CFAP77: variants seen among roughly 807,000 people sequenced by gnomAD.
CFAP77 encodes the protein cilia- and flagella-associated protein 77.
In CFAP77, 25 loss-of-function variants were observed where a neutral mutation model predicts 31.1. That is an observed-to-expected ratio of 0.80 (90% CI 0.59 to 1.12). The LOEUF (loss-of-function observed/expected upper bound fraction) is 1.12. Ranked by LOEUF, CFAP77 falls within the 50% of genes most tolerant of loss-of-function variation. The pLI is 0.00. For missense variants in CFAP77, 377 were observed against 397.3 expected (o/e 0.95, Z 0.44); for synonymous variants, 151 against 159.9 (o/e 0.94, Z 0.42).
At chr9:132,462,077 G>A (rs1413918231) in intron 1 of CFAP77, among the ~76,000 whole-genome samples, 1 of 152,140 alleles carries the variant, frequency 6.6e-6, no homozygotes, top group Non-Finnish European at 1.5e-5. Flanking sequence ...GGCCCAGAGA[G>A]GTAGCGATTA....
chr9:132,518,578 C>T (rs562804031), intron 3 of CFAP77, among the ~76,000 whole-genome samples: 4 of 152,200 alleles, frequency 2.6e-5, no homozygotes, highest in African/African-American at 4.8e-5. Flanking sequence ...GAGCTTTGCA[C>T]GTGGAGGGCT....
intron 1 of CFAP77, among the ~76,000 whole-genome samples, chr9:132,427,163 G>A (rs1418752014): frequency 3.3e-5 from 5 of 152,224 alleles, no homozygotes; most frequent in East Asian, 3.8e-4. Context: ...GGCCAGAACC[G>A]GCTTCCCCAG....
chr9:132,533,354 C>T (rs542581575), intron 3 of CFAP77, among the ~76,000 whole-genome samples: 5 of 152,158 alleles, frequency 3.3e-5, no homozygotes, highest in Non-Finnish European at 7.3e-5. Flanking sequence ...GCCAGTATCA[C>T]AAATTACCAT....
intron 5 of CFAP77, among the ~76,000 whole-genome samples, chr9:132,548,916 C>T (rs879762251): frequency 3.9e-5 from 6 of 152,146 alleles, no homozygotes; most frequent in African/African-American, 1.2e-4. Context: ...GTGCTCTGAA[C>T]GCTGGGATCA....
chr9:132,532,031 G>C (rs1002363981), intron 3 of CFAP77, among the ~76,000 whole-genome samples: 1 of 152,188 alleles, frequency 6.6e-6, no homozygotes, highest in Non-Finnish European at 1.5e-5. Flanking sequence ...AGAAAACACA[G>C]CTATAAATTA....
chr9:132,432,518 C>G (rs1850427570), intron 1 of CFAP77, among the ~76,000 whole-genome samples: 1 of 145,852 alleles, frequency 6.9e-6, no homozygotes, highest in Non-Finnish European at 1.5e-5. Flanking sequence ...AGGGTCCCTT[C>G]TTAGTCCTTG....
chr9:132,411,993 A>C (rs904709616), intron 1 of CFAP77, among the ~76,000 whole-genome samples: 1 of 152,156 alleles, frequency 6.6e-6, no homozygotes, highest in Admixed American at 6.5e-5. Flanking sequence ...ATATGTGTAA[A>C]ATGTATGTAC....
chr9:132,571,359 C>T (rs759811595), intron 5 of CFAP77, among the ~76,000 whole-genome samples: 13 of 152,136 alleles, frequency 8.5e-5, no homozygotes, highest in Admixed American at 2.0e-4. Context: ...ACCCATCCTT[C>T]GAGACCCCCT....
At chr9:132,546,542 C>T (rs556721083) in intron 5 of CFAP77, among the ~76,000 whole-genome samples, 17 of 152,350 alleles carry the variant, frequency 1.1e-4, no homozygotes, top group South Asian at 8.3e-4. Context: ...GCAGGCAGGG[C>T]GCGGCTGCTG....
At chr9:132,513,184 G>A in intron 3 of CFAP77, 1 of 1,412,828 alleles carries the variant, frequency 7.1e-7, no homozygotes, top group Non-Finnish European at 9.5e-7. Flanking sequence ...ATTTTTAAAT[G>A]TGCAATTAAG....
intron 3 of CFAP77, among the ~76,000 whole-genome samples, chr9:132,529,334 A>G (rs1481435953): frequency 7.5e-5 from 9 of 120,596 alleles, no homozygotes; most frequent in Non-Finnish European, 1.4e-4. Flanking sequence ...AGGAAGGGGA[A>G]TATCACACTC....
At chr9:132,537,988 G>A (rs1460884996) in intron 4 of CFAP77, among the ~76,000 whole-genome samples, 1 of 152,156 alleles carries the variant, frequency 6.6e-6, no homozygotes, top group Non-Finnish European at 1.5e-5. Context: ...GAACCCAGCT[G>A]TCCTGACTCC....
intron 3 of CFAP77, among the ~76,000 whole-genome samples, chr9:132,523,234 C>G (rs1348559257): frequency 6.6e-6 from 1 of 151,996 alleles, no homozygotes; most frequent in East Asian, 1.9e-4. Flanking sequence ...ATTACAGGCA[C>G]CTGCCACCAT....
chr9:132,457,545 A>G (rs1332942942), intron 1 of CFAP77, among the ~76,000 whole-genome samples: 1 of 152,204 alleles, frequency 6.6e-6, no homozygotes, highest in Non-Finnish European at 1.5e-5. Context: ...CAGCCTTGGG[A>G]AAGATGGTGC....
intron 3 of CFAP77, among the ~76,000 whole-genome samples, chr9:132,510,206 C>T (rs1190555512): frequency 1.3e-5 from 2 of 152,174 alleles, no homozygotes; most frequent in Admixed American, 6.5e-5. Flanking sequence ...GAGGCTGGCC[C>T]GGCTGGTTCC....
At chr9:132,566,490 G>T (rs892417162) in intron 5 of CFAP77, among the ~76,000 whole-genome samples, 1 of 152,186 alleles carries the variant, frequency 6.6e-6, no homozygotes, top group African/African-American at 2.4e-5. Flanking sequence ...GTTGACAAGG[G>T]GCTCAACATG....
chr9:132,490,124 C>T lies in CFAP77; in HGVS notation c.196-8571C>T, dbSNP rs916152991. ...GAATGCCGTATCCTCGCATGACAGA[C>T]GGACAGAAGGGGATAAAAAGGGCGA... On this transcript the variant is annotated intron_variant, in intron 1 of 5. Coordinates refer to ENST00000393216, the MANE Select transcript of CFAP77 (RefSeq NM_001282957.2). This position sits in a 1 kb window ranked among gnomAD's most constrained non-coding sequence, Gnocchi z 4.6. 3.5e-4 allele frequency among the ~76,000 whole-genome samples: 53 copies of T among 152,100 alleles called. No homozygotes were observed. Among genetic ancestry groups the T allele is most frequent in the African/African-American group, 9.4e-4 (39 of 41,480 alleles).
At position 132,424,925 on chromosome 9, in the gene CFAP77, A is replaced by G. The variant is rs990254403; in HGVS notation, c.195+14459A>G. ...CCCTAATCAGAGAGAGCAAATTGTTATCAGATTAGCGCCAGCAATGAAAAG... is the reference window on the plus strand; with the variant it reads ...CCCTAATCAGAGAGAGCAAATTGTTGTCAGATTAGCGCCAGCAATGAAAAG... On this transcript the variant is annotated intron_variant, in intron 1 of 5. Transcript: ENST00000393216. This position sits in a 1 kb window ranked among gnomAD's most constrained non-coding sequence, Gnocchi z 4.1. Among the ~76,000 whole-genome samples the G allele has an allele frequency of 1.3e-5, 2 of 152,172 alleles. No individual in the cohort carries two copies. Among genetic ancestry groups the G allele is most frequent in the African/African-American group, 2.4e-5 (1 of 41,440 alleles).
At chr9:132,433,290 C>T (rs1027437078) in intron 1 of CFAP77, among the ~76,000 whole-genome samples, 6 of 152,218 alleles carry the variant, frequency 3.9e-5, no homozygotes, top group African/African-American at 1.4e-4. Context: ...GGCACTTGCT[C>T]TGAGGGCTGC....
Sources: gnomAD v4.1 joint callset for allele counts (sites outside exome capture counted in the v4.1 genomes callset) on GRCh38, gnomAD v4.1.1 for gene constraint, Gnocchi (gnomAD v3.1) non-coding constraint, MANE v1.5 for transcripts, NCBI Gene and HGNC (gene_info 2026-07-23, HGNC 2026-07-21) for gene names.